The following LARGE1 variants were observed in gnomAD, a reference collection of about 807,000 sequenced individuals.
The protein encoded by LARGE1 is LARGE xylosyl- and glucuronyltransferase 1.
In LARGE1, 43 loss-of-function variants were observed where a neutral mutation model predicts 87.6. The ratio of observed to expected loss-of-function variants is 0.49; its 90% confidence interval spans 0.38 to 0.63. The LOEUF (loss-of-function observed/expected upper bound fraction) is 0.63, where lower values mean the gene tolerates loss of function less well. Among genes scored for constraint, LARGE1 ranks in the 30% least tolerant of loss-of-function variants. The pLI is 0.00. For missense variants in LARGE1, 802 were observed against 1,000.2 expected, an observed-to-expected ratio of 0.80 and a Z score of 2.67; for synonymous variants, 434 against 394.6, an observed-to-expected ratio of 1.10 and a Z score of -1.18.
At chr22:33,319,510 C>T (rs181721784) in intron 10 of LARGE1, among the ~76,000 whole-genome samples, 2 of 152,276 alleles carry the variant, frequency 1.3e-5, no homozygotes, top group Admixed American at 6.5e-5. Flanking sequence ...ATTCTCTGGC[C>T]TCAGCCTCCC....
chr22:33,562,842 C>T (rs1385337184), intron 6 of LARGE1: 1 of 152,536 alleles, frequency 6.6e-6, no homozygotes, highest in Non-Finnish European at 1.5e-5. Flanking sequence ...TATACTTATC[C>T]AACGGAGACT....
At chr22:33,235,901 T>C (rs1926226719) in intron 11 of LARGE1, among the ~76,000 whole-genome samples, 1 of 152,236 alleles carries the variant, frequency 6.6e-6, no homozygotes, top group African/African-American at 2.4e-5. Flanking sequence ...TTTTATAGGT[T>C]CTTTGCAGTT....
chr22:33,460,837 A>C (rs1294262343), intron 6 of LARGE1, among the ~76,000 whole-genome samples: 1 of 152,222 alleles, frequency 6.6e-6, no homozygotes, highest in African/African-American at 2.4e-5. Flanking sequence ...TGCCTGTCTT[A>C]GCCTTGGGTC....
At chr22:33,530,223 G>A (rs937257123) in intron 6 of LARGE1, among the ~76,000 whole-genome samples, 3 of 152,154 alleles carry the variant, frequency 2.0e-5, no homozygotes, top group Admixed American at 6.6e-5. Flanking sequence ...TTGCAACTAT[G>A]AAGTGGAAAG....
At chr22:33,220,416 C>T (rs942859739) in intron 11 of LARGE1, among the ~76,000 whole-genome samples, 1 of 151,850 alleles carries the variant, frequency 6.6e-6, no homozygotes, top group African/African-American at 2.4e-5. Context: ...AGCAAAAAGA[C>T]TAAAGACAGA....
chr22:33,843,907 G>A (rs761962288), intron 1 of LARGE1, among the ~76,000 whole-genome samples: 32 of 151,920 alleles, frequency 2.1e-4, no homozygotes, highest in Middle Eastern at 3.4e-3. Context: ...TTAAAACTCC[G>A]TCTCTACTAA....
chr22:33,876,699 T>C (rs1345184852), intron 1 of LARGE1, among the ~76,000 whole-genome samples: 1 of 151,930 alleles, frequency 6.6e-6, no homozygotes, highest in East Asian at 1.9e-4. Flanking sequence ...AAATACCTAA[T>C]GCATGCAGGG....
intron 7 of LARGE1, among the ~76,000 whole-genome samples, chr22:33,404,619 T>A (rs2066033131): frequency 6.6e-6 from 1 of 152,146 alleles, no homozygotes; most frequent in Non-Finnish European, 1.5e-5. Context: ...AGAAATTGGA[T>A]TAGCGAGGTG....
At chr22:33,496,561 C>T (rs2070129117) in intron 6 of LARGE1, among the ~76,000 whole-genome samples, 1 of 152,146 alleles carries the variant, frequency 6.6e-6, no homozygotes, top group Admixed American at 6.5e-5. Flanking sequence ...AACTTCCCAG[C>T]CTCCAGAACT....
intron 6 of LARGE1, among the ~76,000 whole-genome samples, chr22:33,539,685 G>C (rs962680227): frequency 2.0e-5 from 3 of 151,208 alleles, no homozygotes; most frequent in South Asian, 4.2e-4. Context: ...AAATTTTCCA[G>C]GTTCAGGTGA....
chr22:33,262,001 TAAAG>T (rs897205190), intron 11 of LARGE1, among the ~76,000 whole-genome samples: 4 of 152,172 alleles, frequency 2.6e-5, no homozygotes, highest in Admixed American at 1.3e-4. Context: ...AAATAACGGA[TAAAG>T]AAAGAGTTCT....
intron 1 of LARGE1, among the ~76,000 whole-genome samples, chr22:33,849,184 C>T (rs2063514626): frequency 6.6e-6 from 1 of 152,168 alleles, no homozygotes; most frequent in South Asian, 2.1e-4. Flanking sequence ...TTTTGCCTCC[C>T]GGAGTCACCC....
chr22:33,633,078 A>C (rs1343543325), intron 3 of LARGE1, among the ~76,000 whole-genome samples: 1 of 152,188 alleles, frequency 6.6e-6, no homozygotes, highest in Non-Finnish European at 1.5e-5. Flanking sequence ...TGCAGAAAAG[A>C]TTCATAACAT....
At chr22:33,513,857 C>T (rs577728248) in intron 6 of LARGE1, among the ~76,000 whole-genome samples, 1 of 110,504 alleles carries the variant, frequency 9.0e-6, no homozygotes, top group Non-Finnish European at 2.1e-5. Flanking sequence ...GAGTCATGTG[C>T]CACATAATGA....
At chr22:33,288,096 C>A (rs1931875944) in intron 12 of LARGE1, among the ~76,000 whole-genome samples, 1 of 152,196 alleles carries the variant, frequency 6.6e-6, no homozygotes, top group African/African-American at 2.4e-5. Context: ...CTTTCTGTAT[C>A]AGATGGCCCA....
rs559926904 is a variant in LARGE1 at position 33,816,159 on chromosome 22, C to T, written c.-82-54601G>A. 5.3e-5 allele frequency among the ~76,000 whole-genome samples: 8 copies of T among 152,162 alleles called. No homozygotes were observed. In the South Asian group the frequency reaches 1.0e-3, roughly 20 times the overall value. On this transcript the variant is annotated intron_variant, in intron 1 of 14. Transcript: ENST00000397394. ...GCGAGCAACCTCTGTGGGCTGCGGGCGAAGAAATGAAGAGCAAAAATTCAT... is the reference window on the plus strand; with the variant it reads ...GCGAGCAACCTCTGTGGGCTGCGGGTGAAGAAATGAAGAGCAAAAATTCAT...
At chr22:33,646,634 C>T (rs2080623109) in intron 3 of LARGE1, among the ~76,000 whole-genome samples, 1 of 151,662 alleles carries the variant, frequency 6.6e-6, no homozygotes, top group Non-Finnish European at 1.5e-5. Flanking sequence ...GATCTGAATT[C>T]CTATATGACT....
Position 33,198,209 on chromosome 22 carries a change from C to T in LARGE1, c.1731-31377G>A, listed in dbSNP as rs890787505. On this transcript the variant is annotated intron_variant, in intron 11 of 11. Coordinates refer to the LARGE1 transcript ENST00000608642. The stretch of plus-strand genomic sequence containing the variant: ...ATTTTTAAAAATATAACAAGTACAA[C>T]GTATTAAGAGAAAAATACTAATGAA... 9.9e-5 allele frequency among the ~76,000 whole-genome samples: 15 copies of T among 151,994 alleles called. No individual in the cohort carries two copies. The South Asian group carries it at 1.5e-3, about 15-fold the overall frequency.
chr22:33,863,180 T>C (rs2063983154), intron 1 of LARGE1, among the ~76,000 whole-genome samples: 1 of 152,270 alleles, frequency 6.6e-6, no homozygotes, highest in Admixed American at 6.5e-5. Context: ...CAGTCACTCC[T>C]TTATCTCGGG....
Sources: gnomAD v4.1 joint callset for allele counts (sites outside exome capture counted in the v4.1 genomes callset) on GRCh38, gnomAD v4.1.1 for gene constraint, MANE v1.5 for transcripts, NCBI Gene and HGNC (gene_info 2026-07-23, HGNC 2026-07-21) for gene names.